AUTS2: variants seen among roughly 807,000 people sequenced by gnomAD.
The protein encoded by AUTS2 is autism susceptibility gene 2 protein.
In AUTS2, 17 loss-of-function variants were observed where a neutral mutation model predicts 112.4. That is an observed-to-expected ratio of 0.15 (90% CI 0.10 to 0.23). AUTS2 has a LOEUF of 0.23. Among genes scored for constraint, AUTS2 ranks in the 10% least tolerant of loss-of-function variants. The pLI, the probability that AUTS2 is intolerant of heterozygous loss-of-function variation, is 1.00. For missense variants in AUTS2, 1,510 were observed against 1,701.6 expected (o/e 0.89, Z 1.98); for synonymous variants, 751 against 702.7 (o/e 1.07, Z -1.09).
intron 1 of AUTS2, among the ~76,000 whole-genome samples, chr7:69,829,971 G>T (rs1791425158): frequency 6.6e-6 from 1 of 152,168 alleles, no homozygotes; most frequent in Non-Finnish European, 1.5e-5. Flanking sequence ...CGATAGCAAA[G>T]ACAGGGAACT....
chr7:70,191,928 G>A (rs980592209), intron 4 of AUTS2, among the ~76,000 whole-genome samples: 2 of 151,794 alleles, frequency 1.3e-5, no homozygotes, highest in South Asian at 2.1e-4. Context: ...TTAGCTAGGC[G>A]TGGTGGTGGG....
At chr7:69,927,426 G>A (rs1270829952) in intron 2 of AUTS2, among the ~76,000 whole-genome samples, 1 of 151,662 alleles carries the variant, frequency 6.6e-6, no homozygotes, top group East Asian at 1.9e-4. Flanking sequence ...ATCTTTTAAG[G>A]ATATTTTAAA....
chr7:69,779,763 CAA>C (rs767635631), intron 1 of AUTS2, among the ~76,000 whole-genome samples: 2 of 66,818 alleles, frequency 3.0e-5, no homozygotes, highest in Admixed American at 1.6e-4. Flanking sequence ...GACTCCATCT[CAA>C]AAAAAAAAAA....
rs1244942064 is a variant in AUTS2, at chr7:70,483,953, GA to G, written c.690+48174del. ...CCTTTTTTATTTAGTGGTCTGCCCT[GA>G]AGGGAAAGAAAGGCTTGATTGTGAA... On this transcript the variant is annotated intron_variant, in intron 5 of 18. Transcript: ENST00000342771. Among the ~76,000 whole-genome samples the G allele has an allele frequency of 2.6e-5, 4 of 152,148 alleles. No homozygotes were observed. In the East Asian group the frequency reaches 7.7e-4, roughly 29 times the overall value.
At chr7:70,646,314 G>A (rs76206058) in intron 5 of AUTS2, among the ~76,000 whole-genome samples, 11,498 of 152,278 alleles carry the variant, frequency 0.076, 560 homozygotes, top group Middle Eastern at 0.16. Context: ...TTAAGGCAGA[G>A]TCCATGGGGT....
chr7:69,778,246 ATTT>A (rs67736075), intron 1 of AUTS2, among the ~76,000 whole-genome samples: 173 of 128,136 alleles, frequency 1.4e-3, no homozygotes, highest in Middle Eastern at 4.0e-3. Context: ...ATATATATAT[ATTT>A]TTTTTTTTTT....
At chr7:70,026,773 T>G (rs1480228261) in intron 2 of AUTS2, among the ~76,000 whole-genome samples, 2 of 152,164 alleles carry the variant, frequency 1.3e-5, no homozygotes, top group East Asian at 3.9e-4. Context: ...TGTGCTCCTT[T>G]GTTTCTTGTA....
At chr7:69,804,023 C>T (rs1790196176) in intron 1 of AUTS2, among the ~76,000 whole-genome samples, 1 of 152,196 alleles carries the variant, frequency 6.6e-6, no homozygotes, top group Admixed American at 6.5e-5. Context: ...CAGAGTGAGA[C>T]TCTTGTCTCA....
At chr7:70,468,968 C>T (rs143645555) in intron 5 of AUTS2, among the ~76,000 whole-genome samples, 6 of 152,258 alleles carry the variant, frequency 3.9e-5, no homozygotes, top group East Asian at 3.9e-4. Flanking sequence ...TCTACAGTTT[C>T]GTCACGGGAC....
intron 5 of AUTS2, among the ~76,000 whole-genome samples, chr7:70,605,548 T>C (rs796486354): frequency 5.2e-5 from 7 of 133,682 alleles, no homozygotes; most frequent in African/African-American, 1.8e-4. Context: ...TTCTTTCTCT[T>C]TTTTTTTTTT....
chr7:70,593,925 C>T (rs971713188), intron 5 of AUTS2, among the ~76,000 whole-genome samples: 2 of 152,166 alleles, frequency 1.3e-5, no homozygotes, highest in East Asian at 1.9e-4. Context: ...GGGCCAGCAG[C>T]GCAAGCACAG....
chr7:70,176,224 A>G (rs1231949941), intron 4 of AUTS2, among the ~76,000 whole-genome samples: 10 of 152,170 alleles, frequency 6.6e-5, no homozygotes, highest in Admixed American at 1.3e-4. Context: ...AATATTCTCA[A>G]TGTAGGAATT....
At chr7:70,370,843 T>C (rs1445365194) in intron 4 of AUTS2, among the ~76,000 whole-genome samples, 1 of 152,090 alleles carries the variant, frequency 6.6e-6, no homozygotes, top group Admixed American at 6.6e-5. Context: ...TTGTTGTCTT[T>C]TTTTTTTTAT....
chr7:69,636,915 G>A (rs1014070833), intron 1 of AUTS2, among the ~76,000 whole-genome samples: 4 of 152,042 alleles, frequency 2.6e-5, no homozygotes, highest in African/African-American at 7.2e-5. Flanking sequence ...ACAGGCGCCT[G>A]CCACCACGTC....
At position 69,778,227 on chromosome 7, in the gene AUTS2, C is replaced by CAT. The variant is rs1411002679; in HGVS notation, c.310-121040_310-121039dup. On this transcript the variant is annotated intron_variant, in intron 1 of 18. Coordinates refer to ENST00000342771, the MANE Select transcript of AUTS2 (RefSeq NM_015570.4). ...AATACAAATCACAGGGCCTTATCCC[C>CAT]ATATATATATATATATATATTTTTT... Among the ~76,000 whole-genome samples, 466 of 138,990 alleles carry CAT rather than the reference C, an allele frequency of 3.4e-3. 6 individuals carry two copies. Among genetic ancestry groups the CAT allele is most frequent in the South Asian group, 4.6e-3 (19 of 4,168 alleles). The allele number at this position is 138,990 out of a possible 152,430, so 91.2% of individuals were successfully genotyped here. A position where few individuals can be genotyped will look rare whatever the true frequency, so the allele number is the denominator to read the frequency against.
intron 4 of AUTS2, among the ~76,000 whole-genome samples, chr7:70,402,100 T>C (rs1794351036): frequency 6.6e-6 from 1 of 152,266 alleles, no homozygotes; most frequent in South Asian, 2.1e-4. Context: ...GCTGCCTGTA[T>C]TTTGTGATGT....
intron 4 of AUTS2, among the ~76,000 whole-genome samples, chr7:70,383,327 GA>G (rs1217064817): frequency 1.3e-5 from 2 of 152,088 alleles, no homozygotes; most frequent in Non-Finnish European, 2.9e-5. Context: ...TGGGACCTGG[GA>G]AAATGTTTAG....
rs1795350383 is a variant in AUTS2, at chr7:70,424,518, GGTGGTAGTA to G, written c.661-11233_661-11225del. ...TACCTTCTCATCTCTAAAATGGAAGGGTGGTAGTATAATACTTTCTTCTAGAGCTGTTGT... is the reference window on the plus strand; with the variant it reads ...TACCTTCTCATCTCTAAAATGGAAGGTAATACTTTCTTCTAGAGCTGTTGT... On this transcript the variant is annotated intron_variant, in intron 4 of 18. Coordinates refer to ENST00000342771, the MANE Select transcript of AUTS2 (RefSeq NM_015570.4). Among the ~76,000 whole-genome samples the G allele has an allele frequency of 2.0e-5, 3 of 152,056 alleles. No homozygotes were observed. In the South Asian group the frequency reaches 6.2e-4, roughly 32 times the overall value.
intron 4 of AUTS2, among the ~76,000 whole-genome samples, chr7:70,279,088 C>T (rs1420230210): frequency 6.6e-6 from 1 of 152,050 alleles, no homozygotes; most frequent in Non-Finnish European, 1.5e-5. Flanking sequence ...ATTTTGTATA[C>T]CTTTGGGTGG....
Sources: allele counts gnomAD v4.1 joint callset (sites outside exome capture counted in the v4.1 genomes callset), GRCh38; gene constraint gnomAD v4.1.1; transcripts MANE v1.5; gene names NCBI Gene and HGNC (gene_info 2026-07-23, HGNC 2026-07-21).